The following UBL7 variants were observed in gnomAD, a reference collection of about 807,000 sequenced individuals.
UBL7 encodes the protein ubiquitin-like protein 7.
In UBL7, 21 loss-of-function variants were observed where a neutral mutation model predicts 41.7. That is an observed-to-expected ratio of 0.50 (90% CI 0.36 to 0.73). The LOEUF (loss-of-function observed/expected upper bound fraction) is 0.73. UBL7 is among the 30% of genes least tolerant of loss of function. The pLI is 0.00. For synonymous variants in UBL7, 157 were observed against 186.9 expected (o/e 0.84, Z 1.31); for missense variants, 403 against 478.4 (o/e 0.84, Z 1.47).
intron 5 of UBL7, 100 bp downstream of exon 5, chr15:74,451,336 T>G (rs1803544244): frequency 9.2e-7 from 1 of 1,091,136 alleles, no homozygotes; most frequent in African/African-American, 1.6e-5. Context: ...AGACCAGTCA[T>G]TCTTCAAAAG....
chr15:74,461,088 C>T lies in UBL7; in HGVS notation c.-81G>A, dbSNP rs536877287. On this transcript the variant is annotated 5_prime_UTR_variant, in exon 1 of 11. Transcript: ENST00000395081. ...TGACACACATCGAGCCCGCGCTGCC[C>T]AGGGCCCCAGCGCCCTCACCCGTCC... 63 of 1,007,570 alleles carry T rather than the reference C, an allele frequency of 6.3e-5. No individual in the cohort carries two copies. The highest frequency in any genetic ancestry group is 6.9e-5 in the Non-Finnish European group (58 of 841,632). 62.4% of individuals were successfully genotyped at this position (1,007,570 alleles called of 1,614,324 possible).
At chr15:74,459,539 G>A (rs1003623395) in intron 1 of UBL7, among the ~76,000 whole-genome samples, 13 of 149,782 alleles carry the variant, frequency 8.7e-5, no homozygotes, top group East Asian at 2.0e-4. Flanking sequence ...GGATGGTCTC[G>A]ATCTCCTGAC....
chr15:74,450,870 G>A lies in UBL7; in HGVS notation c.473-11C>T, dbSNP rs1302847210. The A allele has an allele frequency of 6.2e-7, 1 of 1,613,202 alleles. No individual in the cohort carries two copies. ...TGTCCTGGAGAACCCCTGAAAAAGA[G>A]CAGAGCTCACCTCAAAGAAAGGAAA... On this transcript the variant is annotated splice_polypyrimidine_tract_variant and intron_variant, in intron 5 of 10. Transcript: ENST00000395081.
At chr15:74,458,337 C>T (rs190323650) in intron 2 of UBL7, among the ~76,000 whole-genome samples, 1 of 152,146 alleles carries the variant, frequency 6.6e-6, no homozygotes, top group Admixed American at 6.5e-5. Flanking sequence ...GAGGCTGAGG[C>T]AGAATTGCTT....
At chr15:74,449,427 CAAT>C (rs1209704255) in intron 8 of UBL7, 74 bp from the exon 9 acceptor site, 1 of 1,573,522 alleles carries the variant, frequency 6.4e-7, no homozygotes, top group Non-Finnish European at 8.7e-7. Flanking sequence ...CCACCTCCAG[CAAT>C]AGTTCTTGGG....
At chr15:74,453,537 G>T (rs938901125) in intron 3 of UBL7, among the ~76,000 whole-genome samples, 3 of 152,182 alleles carry the variant, frequency 2.0e-5, no homozygotes, top group African/African-American at 7.2e-5. Context: ...GGGGGGTGAA[G>T]GTATTCCAAG....
At chr15:74,456,059 G>A (rs753683603) in intron 3 of UBL7, among the ~76,000 whole-genome samples, 9 of 151,574 alleles carry the variant, frequency 5.9e-5, no homozygotes, top group Non-Finnish European at 8.8e-5. Context: ...CCCGGGAGGC[G>A]GAGCTTGCAG....
chr15:74,456,513 A>T (rs1422956591), intron 3 of UBL7, 39 bp downstream of exon 3: 1 of 1,610,476 alleles, frequency 6.2e-7, no homozygotes, highest in Non-Finnish European at 8.5e-7. Context: ...TGCGGATATT[A>T]CAGAAACTCT....
chr15:74,455,363 A>G (rs538395771), intron 3 of UBL7, among the ~76,000 whole-genome samples: 1 of 152,330 alleles, frequency 6.6e-6, no homozygotes, highest in South Asian at 2.1e-4. Flanking sequence ...AGCACCTTCT[A>G]TTTATAAACC....
At position 74,449,513 on chromosome 15, in the gene UBL7, A is replaced by G. The variant is rs555979029; in HGVS notation, c.714+113T>C. ...AGTATGACATGGTCTTGGCCCCCCA[A>G]TGGCGTATGTCCATCTCCCAGCCTT... On this transcript the variant is annotated intron_variant, in intron 8 of 10. Transcript: ENST00000395081. 3.8e-4 allele frequency: 592 copies of G among 1,570,200 alleles called. 7 individuals are homozygous for G. In the South Asian group the frequency reaches 5.6e-3, roughly 15 times the overall value.
Position 74,456,577 on chromosome 15 carries a change from G to A in UBL7, c.279C>T (p.Ser93=), listed in dbSNP as rs773838084. 6.2e-7 allele frequency: 1 copy of A among 1,614,120 alleles called. No individual in the cohort carries two copies. Among genetic ancestry groups the A allele is most frequent in the South Asian group, 1.1e-5 (1 of 91,070 alleles). ...CCGGTTTCTGATCAGGTTCAGGCCA[G>A]GACTTTCGCAGAACATGGACAGTGG... ...PGSTVHVLRK[S]WPEPDQKPEP... Residue 93 remains serine, a synonymous_variant, in exon 3 of 11, where the codon TCC becomes TCT. Transcript: ENST00000395081.
chr15:74,454,468 G>A (rs770260830), intron 3 of UBL7, among the ~76,000 whole-genome samples: 2 of 151,908 alleles, frequency 1.3e-5, no homozygotes, highest in Non-Finnish European at 2.9e-5. Context: ...GCGTGATCTC[G>A]GCTCATTGCA....
chr15:74,449,048 A>G, intron 9 of UBL7, 138 bp downstream of exon 9: 1 of 1,084,354 alleles, frequency 9.2e-7, no homozygotes, highest in Admixed American at 3.1e-5. Flanking sequence ...AAGCTGCAGT[A>G]AGAAATCCCC....
At chr15:74,459,116 T>G (rs974790579) in intron 1 of UBL7, 7 of 493,622 alleles carry the variant, frequency 1.4e-5, no homozygotes, top group African/African-American at 1.3e-4. Context: ...AACGTGGACA[T>G]AAAAACGCCA....
chr15:74,456,240 G>A (rs1352385450), intron 3 of UBL7, among the ~76,000 whole-genome samples: 4 of 152,132 alleles, frequency 2.6e-5, no homozygotes, highest in Non-Finnish European at 5.9e-5. Flanking sequence ...GGAGGTTGCA[G>A]TGATCCAAGA....
intron 3 of UBL7, among the ~76,000 whole-genome samples, chr15:74,456,110 G>A (rs1324190379): frequency 1.4e-5 from 2 of 143,712 alleles, no homozygotes; most frequent in East Asian, 4.2e-4. Context: ...CTGTGAGACA[G>A]AGTGAGACTC....
intron 10 of UBL7, 54 bp downstream of exon 10, chr15:74,448,424 G>A (rs2061206384): frequency 1.2e-6 from 2 of 1,607,484 alleles, no homozygotes; most frequent in South Asian, 2.2e-5. Context: ...CAAAGGCTGG[G>A]CATCCAAAAT....
chr15:74,451,426 C>G lies in UBL7; in HGVS notation c.472+10G>C. ...AACTCCTATTTCCTCAAATTCAGTC[C>G]TGCACTTACCAAGAGCAATAGGGTC... On this transcript the variant is annotated intron_variant, in intron 5 of 10. Transcript: ENST00000395081. 4 of 1,612,688 alleles carry G rather than the reference C, an allele frequency of 2.5e-6. No individual in the cohort carries two copies. Among genetic ancestry groups the G allele is most frequent in the Non-Finnish European group, 2.5e-6 (3 of 1,178,824 alleles).
rs1201834191 is a variant in UBL7 at position 74,449,986 on chromosome 15, G to T, written c.614C>A (p.Thr205Asn). 1 of 1,613,566 alleles carries T rather than the reference G, an allele frequency of 6.2e-7. No individual in the cohort carries two copies. Among genetic ancestry groups the T allele is most frequent in the South Asian group, 1.1e-5 (1 of 90,840 alleles). Residue 205 changes from threonine to asparagine, a missense_variant, in exon 7 of 11, where the codon ACT becomes AAT. Physicochemically the swap from Thr to Asn is moderately conservative, Grantham distance 65. Coordinates refer to ENST00000395081, the MANE Select transcript of UBL7 (RefSeq NM_032907.5). ...GGGCATGCTCCGGGAAGAGGAGTCA[G>T]TCCCAGGCATTGGGGCACTGCCTGC... The part of the protein sequence containing the change: ...SVAGSAPMPG[T>N]DSSSRSMPSS...
Sources: gnomAD v4.1 joint callset for allele counts (sites outside exome capture counted in the v4.1 genomes callset) on GRCh38, gnomAD v4.1.1 for gene constraint, MANE v1.5 for transcripts, NCBI Gene and HGNC (gene_info 2026-07-23, HGNC 2026-07-21) for gene names.